TAF2: variants seen among roughly 807,000 people sequenced by gnomAD.
TAF2 encodes the protein transcription initiation factor TFIID subunit 2.
In TAF2, 61 loss-of-function variants were observed where a neutral mutation model predicts 138.5. That is an observed-to-expected ratio of 0.44 (90% CI 0.36 to 0.54). The LOEUF is 0.54. Ranked by LOEUF, TAF2 falls within the 20% of genes least tolerant of loss-of-function variation. TAF2 has a pLI of 0.00. For missense variants in TAF2, 1,090 were observed against 1,427.9 expected, an observed-to-expected ratio of 0.76 and a Z score of 3.81; for synonymous variants, 475 against 469.9, an observed-to-expected ratio of 1.01 and a Z score of -0.14.
intron 21 of TAF2, among the ~76,000 whole-genome samples, chr8:119,757,587 T>C (rs546367144): frequency 5.8e-5 from 8 of 138,290 alleles, no homozygotes; most frequent in Non-Finnish European, 1.1e-4. Flanking sequence ...CTGCTAATAA[T>C]TTTTTTTTTT....
chr8:119,777,382 C>G (rs2131118498), intron 18 of TAF2, among the ~76,000 whole-genome samples: 1 of 152,164 alleles, frequency 6.6e-6, no homozygotes, highest in South Asian at 2.1e-4. Flanking sequence ...GGTGTAAAAT[C>G]AGACTAATAT....
intron 13 of TAF2, among the ~76,000 whole-genome samples, 171 bp from the exon 14 acceptor site, chr8:119,788,618 C>T (rs1976575): frequency 0.25 from 36,026 of 143,968 alleles, 5,915 homozygotes; most frequent in Admixed American, 0.42. Flanking sequence ...ATTCTGAGTC[C>T]CCAGAAATCT....
chr8:119,795,521 G>C lies in TAF2; in HGVS notation c.1191+11C>G, dbSNP rs769306645. On this transcript the variant is annotated intron_variant, in intron 9 of 25. Transcript: ENST00000378164. The stretch of plus-strand genomic sequence containing the variant: ...GACTTGTAAGTGGATAAGGGATCTA[G>C]CTGTTATTACCTCTTTAATCCAATG... The C allele has an allele frequency of 1.1e-5, 18 of 1,602,480 alleles. No homozygotes were observed. Among genetic ancestry groups the C allele is most frequent in the Non-Finnish European group, 1.5e-5 (18 of 1,169,624 alleles).
At chr8:119,832,246 G>A (rs1293476896) in intron 1 of TAF2, among the ~76,000 whole-genome samples, 2 of 151,160 alleles carry the variant, frequency 1.3e-5, no homozygotes, top group South Asian at 2.1e-4. Flanking sequence ...AGATTTGACA[G>A]AAATACAATC....
Position 119,791,426 on chromosome 8 carries a change from A to T in TAF2, c.1311T>A (p.His437Gln). Residue 437 changes from histidine (H) to glutamine (Q), a missense_variant, in exon 11 of 26, where the codon CAT becomes CAA. Physicochemically the swap from His to Gln is conservative, Grantham distance 24. Around this residue, in one of 3 missense-constraint regions of TAF2, gnomAD observed 504 missense variants for 680.9 expected, o/e 0.74. Coordinates refer to ENST00000378164, the MANE Select transcript of TAF2 (RefSeq NM_003184.4). ...AGTATTCCCAGGACAGTGTATGTGG[A>T]TGCTTTATTGAAAAGTGTAGATGGG... ...PASHLHFSIK[H>Q]PHTLSWEYYS... 1.9e-6 allele frequency: 3 copies of T among 1,613,804 alleles called. No individual in the cohort carries two copies. The highest frequency in any genetic ancestry group is 2.5e-6 in the Non-Finnish European group (3 of 1,179,828).
At chr8:119,800,211 C>A (rs552353609) in intron 6 of TAF2, among the ~76,000 whole-genome samples, 1 of 152,212 alleles carries the variant, frequency 6.6e-6, no homozygotes, top group South Asian at 2.1e-4. Flanking sequence ...GATAAGAAGT[C>A]CTTGCCCATG....
At chr8:119,746,455 A>G (rs930457402) in intron 23 of TAF2, among the ~76,000 whole-genome samples, 1 of 152,068 alleles carries the variant, frequency 6.6e-6, no homozygotes, top group African/African-American at 2.4e-5. Context: ...CAAGTATAAA[A>G]AAAATAACTA....
intron 2 of TAF2, among the ~76,000 whole-genome samples, chr8:119,831,367 G>A (rs1329193574): frequency 6.6e-6 from 1 of 151,942 alleles, no homozygotes; most frequent in Non-Finnish European, 1.5e-5. Context: ...TGTCGCTATG[G>A]GCTTATACTT....
chr8:119,792,388 G>T (rs905276504), intron 10 of TAF2, among the ~76,000 whole-genome samples: 3 of 151,994 alleles, frequency 2.0e-5, no homozygotes, highest in African/African-American at 7.3e-5. Context: ...CTGAACTCTG[G>T]TGATCCACCT....
intron 9 of TAF2, 37 bp downstream of exon 9, chr8:119,795,495 A>T (rs1323761240): frequency 6.5e-7 from 1 of 1,529,658 alleles, no homozygotes; most frequent in African/African-American, 1.4e-5. Flanking sequence ...GGAGGACATA[A>T]GACTTGTAAG....
chr8:119,814,563 T>C (rs982943847), intron 3 of TAF2, among the ~76,000 whole-genome samples: 18 of 151,984 alleles, frequency 1.2e-4, no homozygotes, highest in African/African-American at 3.9e-4. Context: ...AACTCATTTT[T>C]GACACTGAAA....
chr8:119,742,666 C>T lies in TAF2; in HGVS notation c.3215-10G>A. 1 of 1,612,268 alleles carries T rather than the reference C, an allele frequency of 6.2e-7. No individual in the cohort carries two copies. Among genetic ancestry groups the T allele is most frequent in the Non-Finnish European group, 8.5e-7 (1 of 1,179,412 alleles). On this transcript the variant is annotated splice_polypyrimidine_tract_variant and intron_variant, in intron 24 of 25. Coordinates refer to ENST00000378164, the MANE Select transcript of TAF2 (RefSeq NM_003184.4). ...CGATATTTCGAGAGCCCTAAAATGC[C>T]AAACAAGAGAAAAAAGAGGGATTTA...
Position 119,819,442 on chromosome 8 carries a change from T to G in TAF2, c.203A>C (p.Lys68Thr). ...ANLNRIKLNS[K>T]QCRIYRVRIN... ...CCTTACTCGGTATATTCTACACTGT[T>G]TGCTGTTCAACTTGATTCTATTCAA... Residue 68 changes from lysine to threonine, a missense_variant, in exon 3 of 26, where the codon AAA becomes ACA. Lys to Thr is a moderately conservative substitution (Grantham distance 78). Coordinates refer to ENST00000378164, the MANE Select transcript of TAF2 (RefSeq NM_003184.4). The G allele has an allele frequency of 6.2e-7, 1 of 1,612,120 alleles. No homozygotes were observed.
At chr8:119,751,779 T>C (rs957655975) in intron 22 of TAF2, among the ~76,000 whole-genome samples, 14 of 152,238 alleles carry the variant, frequency 9.2e-5, no homozygotes, top group Non-Finnish European at 2.1e-4. Flanking sequence ...CCTATTTATT[T>C]AAGAATCTTA....
At chr8:119,800,688 A>G (rs1326243388) in intron 6 of TAF2, among the ~76,000 whole-genome samples, 3 of 152,182 alleles carry the variant, frequency 2.0e-5, no homozygotes, top group Non-Finnish European at 4.4e-5. Flanking sequence ...ACCAACACAA[A>G]ATATCCTGAA....
At position 119,774,930 on chromosome 8, in the gene TAF2, C is replaced by CA. The variant is rs531094366; in HGVS notation, c.2364+3088dup. On this transcript the variant is annotated intron_variant, in intron 18 of 25. Coordinates refer to ENST00000378164, the MANE Select transcript of TAF2 (RefSeq NM_003184.4). ...AACATACATGGTAAAAACAAACAAA[C>CA]AAAAAACCTCTAACAAAGCCTAACA... 6.1e-4 allele frequency among the ~76,000 whole-genome samples: 93 copies of CA among 151,450 alleles called. 1 individual carries two copies. The South Asian group carries it at 0.019, about 31-fold the overall frequency.
At chr8:119,790,601 G>A (rs1434762427) in intron 11 of TAF2, among the ~76,000 whole-genome samples, 2 of 151,880 alleles carry the variant, frequency 1.3e-5, no homozygotes, top group East Asian at 1.9e-4. Context: ...GTTTCCACTC[G>A]CAACTACTAA....
At chr8:119,742,096 G>T (rs1032045236) in intron 25 of TAF2, among the ~76,000 whole-genome samples, 1 of 152,224 alleles carries the variant, frequency 6.6e-6, no homozygotes, top group East Asian at 1.9e-4. Flanking sequence ...CACGAGTGGG[G>T]GATAAGTGGT....
chr8:119,826,082 A>G (rs1164473383), intron 2 of TAF2, among the ~76,000 whole-genome samples: 1 of 151,854 alleles, frequency 6.6e-6, no homozygotes, highest in East Asian at 1.9e-4. Flanking sequence ...GGACACAGGG[A>G]GGGGAACATC....
Sources: gnomAD v4.1 joint callset for allele counts (sites outside exome capture counted in the v4.1 genomes callset) on GRCh38, gnomAD v4.1.1 for gene constraint, gnomAD v4.1.1 regional missense constraint, MANE v1.5 for transcripts, NCBI Gene and HGNC (gene_info 2026-07-23, HGNC 2026-07-21) for gene names.